Variants in CADPS2 observed in about 807,000 individuals in gnomAD.
The protein encoded by CADPS2 is calcium-dependent secretion activator 2.
In CADPS2, 93 loss-of-function variants were observed where a neutral mutation model predicts 172.5. The observed-to-expected ratio is 0.54, with a 90% CI of 0.46 to 0.64. The LOEUF is 0.64. CADPS2 is among the 30% of genes least tolerant of loss of function. The pLI is 0.00. For synonymous variants in CADPS2, 546 were observed against 555.2 expected, an observed-to-expected ratio of 0.98 and a Z score of 0.23; for missense variants, 1,420 against 1,565.9, an observed-to-expected ratio of 0.91 and a Z score of 1.57.
At chr7:122,834,718 G>C (rs1034283102) in intron 1 of CADPS2, among the ~76,000 whole-genome samples, 4 of 152,184 alleles carry the variant, frequency 2.6e-5, no homozygotes, top group African/African-American at 7.2e-5. Flanking sequence ...CAAACTGCAA[G>C]GCGGCAGCGA....
intron 14 of CADPS2, among the ~76,000 whole-genome samples, chr7:122,466,644 C>T (rs548980674): frequency 1.3e-5 from 2 of 152,264 alleles, no homozygotes; most frequent in African/African-American, 2.4e-5. Context: ...AACTAATACA[C>T]TGCATAAAAA....
chr7:122,333,769 G>T (rs1360751866), intron 28 of CADPS2, among the ~76,000 whole-genome samples: 1 of 152,126 alleles, frequency 6.6e-6, no homozygotes, highest in Non-Finnish European at 1.5e-5. Context: ...GTATACACAA[G>T]GCTTTAACTG....
intron 1 of CADPS2, among the ~76,000 whole-genome samples, chr7:122,809,579 CAAA>C (rs34872485): frequency 1.2e-4 from 12 of 101,674 alleles, no homozygotes; most frequent in Admixed American, 2.1e-4. Flanking sequence ...GACACTGTCT[CAAA>C]AAAAAAAAAA....
intron 2 of CADPS2, among the ~76,000 whole-genome samples, chr7:122,733,151 A>G (rs898113563): frequency 2.6e-5 from 4 of 151,778 alleles, no homozygotes; most frequent in African/African-American, 4.8e-5. Context: ...AAGGCCAACC[A>G]TGCTTCATAT....
chr7:122,406,130 T>A (rs1412280931), intron 20 of CADPS2, among the ~76,000 whole-genome samples: 1 of 152,112 alleles, frequency 6.6e-6, no homozygotes, highest in African/African-American at 2.4e-5. Flanking sequence ...CCATGGAAAG[T>A]ACAATATTAC....
chr7:122,534,516 G>A (rs1468542054), intron 8 of CADPS2, among the ~76,000 whole-genome samples: 1 of 152,024 alleles, frequency 6.6e-6, no homozygotes, highest in Non-Finnish European at 1.5e-5. Flanking sequence ...TATTCACCAT[G>A]CCAAACTTAC....
At chr7:122,787,637 T>G (rs1459335988) in intron 1 of CADPS2, among the ~76,000 whole-genome samples, 1 of 152,060 alleles carries the variant, frequency 6.6e-6, no homozygotes, top group Non-Finnish European at 1.5e-5. Flanking sequence ...CACATTGTAT[T>G]CACCTTAGTA....
chr7:122,323,008 T>G (rs1350299658), intron 29 of CADPS2, among the ~76,000 whole-genome samples: 1 of 152,192 alleles, frequency 6.6e-6, no homozygotes, highest in Non-Finnish European at 1.5e-5. Context: ...TTCACAATTC[T>G]CTACATGTGT....
At chr7:122,380,769 A>G (rs1370459319) in intron 24 of CADPS2, among the ~76,000 whole-genome samples, 1 of 152,122 alleles carries the variant, frequency 6.6e-6, no homozygotes, top group Non-Finnish European at 1.5e-5. Context: ...CTGGGCACAT[A>G]TTGCACCCAC....
At chr7:122,772,329 T>C (rs1287778899) in intron 1 of CADPS2, among the ~76,000 whole-genome samples, 1 of 152,190 alleles carries the variant, frequency 6.6e-6, no homozygotes, top group Non-Finnish European at 1.5e-5. Flanking sequence ...ACTTCAATAG[T>C]CCAAACATTT....
chr7:122,706,748 AATATAT>A (rs568818518), intron 2 of CADPS2, among the ~76,000 whole-genome samples: 1,542 of 146,078 alleles, frequency 0.011, 29 homozygotes, highest in African/African-American at 0.037. Context: ...AAGAGCAAGG[AATATAT>A]ATATATATAA....
At chr7:122,482,143 G>A (rs1339391083) in intron 11 of CADPS2, among the ~76,000 whole-genome samples, 1 of 152,070 alleles carries the variant, frequency 6.6e-6, no homozygotes, top group Non-Finnish European at 1.5e-5. Flanking sequence ...ACATTCCTCG[G>A]GCATTCCTTG....
At chr7:122,844,323 T>TA (rs1210325592) in intron 1 of CADPS2, among the ~76,000 whole-genome samples, 2 of 152,176 alleles carry the variant, frequency 1.3e-5, no homozygotes, top group Non-Finnish European at 2.9e-5. Flanking sequence ...GTTTTAAAGT[T>TA]AAAAAAACAT....
chr7:122,746,984 C>T (rs2092743545), intron 1 of CADPS2, among the ~76,000 whole-genome samples: 1 of 152,118 alleles, frequency 6.6e-6, no homozygotes, highest in African/African-American at 2.4e-5. Context: ...TCACTCACTT[C>T]TCTGAGAGTG....
chr7:122,870,964 G>A (rs1408809056), intron 1 of CADPS2, among the ~76,000 whole-genome samples: 1 of 151,990 alleles, frequency 6.6e-6, no homozygotes, highest in Non-Finnish European at 1.5e-5. Flanking sequence ...GTCAGACACT[G>A]AACTAAGTGC....
In CADPS2 at chr7:122,679,265, T is replaced by TGTG. The variant is rs71161322; in HGVS notation, c.454-15697_454-15696insCAC. Among the ~76,000 whole-genome samples, 100 of 39,230 alleles carry TGTG rather than the reference T, an allele frequency of 2.5e-3. 21 individuals carry two copies. The highest frequency in any genetic ancestry group is 4.1e-3 in the Admixed American group (12 of 2,948). 25.7% of individuals were successfully genotyped at this position (39,230 alleles called of 152,430 possible). ...CAGCCCTGGGAAAAGAATGCATTCC[T>TGTG]GGGGGGGGGGGGCTCTAAAATGGCC... On this transcript the variant is annotated intron_variant, in intron 2 of 29. Transcript: ENST00000449022.
chr7:122,476,347 A>G (rs952634465), intron 12 of CADPS2, among the ~76,000 whole-genome samples: 3 of 151,900 alleles, frequency 2.0e-5, no homozygotes, highest in Non-Finnish European at 4.4e-5. Context: ...AAAAAGACCT[A>G]TCTTTTTCCT....
intron 1 of CADPS2, among the ~76,000 whole-genome samples, chr7:122,840,346 T>A (rs1224891546): frequency 6.6e-6 from 1 of 151,738 alleles, no homozygotes; most frequent in African/African-American, 2.4e-5. Context: ...AGTTAATGGG[T>A]GCAGCACACC....
At chr7:122,617,447 T>C (rs930913573) in intron 5 of CADPS2, among the ~76,000 whole-genome samples, 25 of 152,184 alleles carry the variant, frequency 1.6e-4, no homozygotes, top group African/African-American at 6.0e-4. Flanking sequence ...CTAATGGACC[T>C]ACAGAAGCTA....
Sources: allele counts gnomAD v4.1 joint callset (sites outside exome capture counted in the v4.1 genomes callset), GRCh38; gene constraint gnomAD v4.1.1; transcripts MANE v1.5; gene names NCBI Gene and HGNC (gene_info 2026-07-23, HGNC 2026-07-21).